Variants in SORCS3 observed in about 807,000 individuals in gnomAD.
SORCS3 encodes the protein sortilin related VPS10 domain containing receptor 3.
In SORCS3, 57 loss-of-function variants were observed where a neutral mutation model predicts 146.3. The observed-to-expected ratio is 0.39, with a 90% confidence interval of 0.31 to 0.49. SORCS3 has a LOEUF of 0.49. Among genes scored for constraint, SORCS3 ranks in the 20% least tolerant of loss-of-function variants. The pLI is 0.92. For synonymous variants in SORCS3, 653 were observed against 618.5 expected, an observed-to-expected ratio of 1.06 and a Z score of -0.83; for missense variants, 1,341 against 1,575.5, an observed-to-expected ratio of 0.85 and a Z score of 2.52.
intron 7 of SORCS3, among the ~76,000 whole-genome samples, chr10:105,129,716 T>A (rs1367730052): frequency 6.6e-6 from 1 of 151,152 alleles, no homozygotes; most frequent in Non-Finnish European, 1.5e-5. Context: ...TGCAAAGGAC[T>A]TCCATTTTGA....
chr10:104,947,442 G>C (rs1413128232), intron 3 of SORCS3, among the ~76,000 whole-genome samples: 1 of 152,078 alleles, frequency 6.6e-6, no homozygotes, highest in Non-Finnish European at 1.5e-5. Flanking sequence ...TCCTCTTGGG[G>C]GAGGCACAAT....
At chr10:104,880,121 G>A (rs141899877) in intron 2 of SORCS3, among the ~76,000 whole-genome samples, 2 of 152,290 alleles carry the variant, frequency 1.3e-5, no homozygotes, top group East Asian at 3.9e-4. Flanking sequence ...AGGGCGGCAA[G>A]CCTACGTTAT....
At chr10:105,006,588 C>A (rs796652426) in intron 4 of SORCS3, among the ~76,000 whole-genome samples, 1 of 152,158 alleles carries the variant, frequency 6.6e-6, no homozygotes, top group South Asian at 2.1e-4. Flanking sequence ...TCTTCCATGG[C>A]TCATAAGATT....
intron 2 of SORCS3, among the ~76,000 whole-genome samples, chr10:104,888,284 C>T (rs971003959): frequency 6.6e-6 from 1 of 152,190 alleles, no homozygotes; most frequent in African/African-American, 2.4e-5. Flanking sequence ...CCATAAATCC[C>T]TAGCTACCAC....
chr10:105,228,979 G>A (rs905874671), intron 20 of SORCS3, among the ~76,000 whole-genome samples: 9 of 151,952 alleles, frequency 5.9e-5, no homozygotes, highest in African/African-American at 4.8e-5. Context: ...CTGGCATACC[G>A]GCAATTTGAA....
intron 14 of SORCS3, among the ~76,000 whole-genome samples, chr10:105,190,556 G>A (rs1211792490): frequency 6.6e-6 from 1 of 152,060 alleles, no homozygotes; most frequent in Admixed American, 6.6e-5. Context: ...GTGCCACCAC[G>A]CCAAGCTAAT....
At chr10:104,941,180 A>G (rs893055277) in intron 3 of SORCS3, among the ~76,000 whole-genome samples, 2 of 152,124 alleles carry the variant, frequency 1.3e-5, no homozygotes, top group Non-Finnish European at 2.9e-5. Context: ...TCTTTATTGC[A>G]TCCTGCTTTA....
intron 9 of SORCS3, among the ~76,000 whole-genome samples, chr10:105,148,778 G>A (rs1359262729): frequency 6.6e-6 from 1 of 152,048 alleles, no homozygotes; most frequent in Admixed American, 6.6e-5. Flanking sequence ...TCTCCTCTAA[G>A]CAGTGCCTGT....
At chr10:105,168,686 T>C (rs759344992) in intron 13 of SORCS3, among the ~76,000 whole-genome samples, 1 of 152,182 alleles carries the variant, frequency 6.6e-6, no homozygotes, top group Non-Finnish European at 1.5e-5. Flanking sequence ...TCAGTCCTTT[T>C]GGCAAGGACT....
chr10:105,095,667 A>G (rs2055740625), intron 6 of SORCS3, among the ~76,000 whole-genome samples: 1 of 151,544 alleles, frequency 6.6e-6, no homozygotes. Flanking sequence ...CATGGGAGCC[A>G]TGTTTGCAAT....
chr10:104,894,237 A>G (rs1165941125), intron 2 of SORCS3, among the ~76,000 whole-genome samples: 2 of 152,158 alleles, frequency 1.3e-5, no homozygotes, highest in Non-Finnish European at 1.5e-5. Context: ...TTTCTCTCAA[A>G]TAGTGTTAGA....
At chr10:105,202,610 A>T (rs1184051754) in intron 16 of SORCS3, among the ~76,000 whole-genome samples, 1 of 152,234 alleles carries the variant, frequency 6.6e-6, no homozygotes, top group Non-Finnish European at 1.5e-5. Context: ...ACTATCACCT[A>T]TCTCTCCAGT....
chr10:105,101,158 A>G (rs1241016852), intron 6 of SORCS3, among the ~76,000 whole-genome samples: 1 of 152,234 alleles, frequency 6.6e-6, no homozygotes, highest in Non-Finnish European at 1.5e-5. Context: ...AAATTATGTC[A>G]TAAATACCTT....
chr10:104,918,648 C>T (rs1405459811), intron 3 of SORCS3, among the ~76,000 whole-genome samples: 1 of 152,166 alleles, frequency 6.6e-6, no homozygotes, highest in East Asian at 1.9e-4. Flanking sequence ...GCAGCCTTGT[C>T]AGTTGGTCTG....
intron 2 of SORCS3, among the ~76,000 whole-genome samples, chr10:104,914,379 C>T (rs1037753033): frequency 2.6e-5 from 4 of 151,970 alleles, no homozygotes; most frequent in African/African-American, 4.8e-5. Context: ...AAGAGAGGAG[C>T]GGTGATTGGG....
intron 3 of SORCS3, among the ~76,000 whole-genome samples, chr10:104,946,687 C>G (rs926579851): frequency 2.6e-5 from 4 of 152,156 alleles, no homozygotes; most frequent in African/African-American, 9.7e-5. Context: ...CTCAGAGTCT[C>G]ATTTCTGTGC....
intron 5 of SORCS3, among the ~76,000 whole-genome samples, chr10:105,053,901 C>T (rs1432399131): frequency 6.6e-6 from 1 of 151,856 alleles, no homozygotes; most frequent in African/African-American, 2.4e-5. Flanking sequence ...GGATAGACTA[C>T]CAAACTATAT....
intron 1 of SORCS3, among the ~76,000 whole-genome samples, chr10:104,696,085 ACATATATAATATATCATATAC>A (rs2016178115): frequency 5.2e-5 from 1 of 19,382 alleles, no homozygotes; most frequent in Non-Finnish European, 1.4e-4. Flanking sequence ...TATCATATAC[ACATATATAATATATCATATAC>A]ACATATTATA....
At chr10:104,962,114 C>G (rs184302194) in intron 3 of SORCS3, among the ~76,000 whole-genome samples, 3 of 151,810 alleles carry the variant, frequency 2.0e-5, no homozygotes, top group Non-Finnish European at 4.4e-5. Context: ...CTTGGAAGAC[C>G]GAGATCATTC....
Sources: allele counts gnomAD v4.1 joint callset (sites outside exome capture counted in the v4.1 genomes callset), GRCh38; gene constraint gnomAD v4.1.1; transcripts MANE v1.5; gene names NCBI Gene and HGNC (gene_info 2026-07-23, HGNC 2026-07-21).